ELAPOR1: variants seen among roughly 807,000 people sequenced by gnomAD.
The protein encoded by ELAPOR1 is endosome-lysosome associated apoptosis and autophagy regulator 1.
In ELAPOR1, 77 loss-of-function variants were observed where a neutral mutation model predicts 119.7. That is an observed-to-expected ratio of 0.64 (90% CI 0.54 to 0.78). ELAPOR1 has a LOEUF of 0.78. Ranked by LOEUF, ELAPOR1 falls within the 30% of genes least tolerant of loss-of-function variation. The pLI, the probability that ELAPOR1 is intolerant of heterozygous loss-of-function variation, is 0.00. For missense variants in ELAPOR1, 1,115 were observed against 1,270.4 expected, an observed-to-expected ratio of 0.88 and a Z score of 1.86; for synonymous variants, 481 against 487.2, an observed-to-expected ratio of 0.99 and a Z score of 0.17.
At chr1:109,201,954 G>T (rs1188726043) in intron 21 of ELAPOR1, among the ~76,000 whole-genome samples, 1 of 152,148 alleles carries the variant, frequency 6.6e-6, no homozygotes, top group Non-Finnish European at 1.5e-5. Flanking sequence ...AAAACAATCA[G>T]CTGGGTGTTG....
At position 109,184,971 on chromosome 1, in the gene ELAPOR1, C is replaced by G; in HGVS notation, c.953-74C>G. ...AATGCACCCAGGGACTTGGGAGTCA[C>G]AGGGCCATGAAGAGGCCAGGAGCTC... On this transcript the variant is annotated intron_variant, in intron 7 of 21. Coordinates refer to ENST00000369939, the MANE Select transcript of ELAPOR1 (RefSeq NM_020775.5). 2.6e-6 allele frequency: 3 copies of G among 1,140,122 alleles called. No individual in the cohort carries two copies. The South Asian group carries it at 3.7e-5, about 14-fold the overall frequency. 70.6% of individuals were successfully genotyped at this position (1,140,122 alleles called of 1,614,324 possible).
rs1654274885 is a variant in ELAPOR1, at chr1:109,202,997, A to C, written c.3027A>C (p.Leu1009=). The change falls in exon 22 of 22, where the codon CTA becomes CTC. Residue 1009 remains leucine (L), a synonymous_variant. Coordinates refer to ENST00000369939, the MANE Select transcript of ELAPOR1 (RefSeq NM_020775.5). ...SVPLKTSSGG[L]DMDL ...CGCTGAAGACATCCTCAGGAGGCCTAGACATGGACCTGTGAGAGGCACTGC... is the reference window on the plus strand; with the variant it reads ...CGCTGAAGACATCCTCAGGAGGCCTCGACATGGACCTGTGAGAGGCACTGC... 2 of 1,612,600 alleles carry C rather than the reference A, an allele frequency of 1.2e-6. No individual in the cohort carries two copies. The highest frequency in any genetic ancestry group is 2.7e-5 in the African/African-American group (2 of 74,902).
intron 20 of ELAPOR1, 34 bp from the exon 21 acceptor site, chr1:109,200,701 G>C (rs1654114071): frequency 1.2e-6 from 2 of 1,600,504 alleles, no homozygotes; most frequent in African/African-American, 1.3e-5. Context: ...CCCACATTTT[G>C]GGATCTTGTC....
intron 1 of ELAPOR1, among the ~76,000 whole-genome samples, chr1:109,141,270 T>C (rs1332042763): frequency 9.7e-6 from 1 of 102,778 alleles, no homozygotes. Context: ...TATTAATTAA[T>C]TTTTTTTTGA....
intron 1 of ELAPOR1, among the ~76,000 whole-genome samples, chr1:109,159,779 G>A (rs1323190270): frequency 6.6e-6 from 1 of 152,168 alleles, no homozygotes; most frequent in African/African-American, 2.4e-5. Context: ...GAGTCGTGAA[G>A]ATGAAACGAG....
Position 109,114,140 on chromosome 1 carries a change from C to T in ELAPOR1, c.-44C>T, listed in dbSNP as rs746804699. The T allele has an allele frequency of 1.3e-5, 19 of 1,484,030 alleles. No individual in the cohort carries two copies. The highest frequency in any genetic ancestry group is 2.4e-5 in the Admixed American group (1 of 41,098). The allele number at this position is 1,484,030 out of a possible 1,614,324, so 91.9% of individuals were successfully genotyped here. On this transcript the variant is annotated 5_prime_UTR_variant, in exon 1 of 22. Transcript: ENST00000369939. ...CGCCTTCTGCCAGCAGAAGCAGCAG[C>T]CGCAGCACCTGAGCCGCTACTGCCG...
chr1:109,189,625 C>T lies in ELAPOR1; in HGVS notation c.1382C>T (p.Ala461Val), dbSNP rs779791201. ...GTGGCTGGTGATCACATTTACACAG[C>T]TGCTGGAGCCTCAGACAATGACTTC... ...WEVAGDHIYT[A>V]AGASDNDFMI... Residue 461 changes from alanine (A) to valine (V), a missense_variant, in exon 11 of 22, where the codon GCT (alanine) becomes GTT (valine). By Grantham distance (64) the Ala-to-Val change is moderately conservative. Transcript: ENST00000369939. The T allele has an allele frequency of 1.2e-6, 2 of 1,614,176 alleles. No homozygotes were observed. The highest frequency in any genetic ancestry group is 1.1e-5 in the South Asian group (1 of 91,084).
In ELAPOR1 at chr1:109,146,280, G is replaced by A. The variant is rs539043471; in HGVS notation, c.154-15614G>A. Among the ~76,000 whole-genome samples the A allele has an allele frequency of 1.4e-4, 22 of 151,914 alleles. No individual in the cohort carries two copies. In the South Asian group the frequency reaches 2.3e-3, roughly 16 times the overall value. ...GGCTGCAGTGAGCCGAAATTGAGTC[G>A]CTGCACTCCAGACTGGGTAATCAGA... On this transcript the variant is annotated intron_variant, in intron 1 of 21. Coordinates refer to ENST00000369939, the MANE Select transcript of ELAPOR1 (RefSeq NM_020775.5).
At chr1:109,138,105 C>T (rs1385522598) in intron 1 of ELAPOR1, among the ~76,000 whole-genome samples, 5 of 152,176 alleles carry the variant, frequency 3.3e-5, no homozygotes, top group African/African-American at 9.7e-5. Flanking sequence ...CCCAACCCTG[C>T]CCCCAGAGCG....
At chr1:109,154,491 C>A (rs1020086521) in intron 1 of ELAPOR1, among the ~76,000 whole-genome samples, 2 of 152,160 alleles carry the variant, frequency 1.3e-5, no homozygotes, top group African/African-American at 4.8e-5. Flanking sequence ...TGTTCCTCGT[C>A]TCAGAGACTG....
chr1:109,130,577 G>T (rs1324287440), intron 1 of ELAPOR1, among the ~76,000 whole-genome samples: 2 of 151,820 alleles, frequency 1.3e-5, no homozygotes, highest in East Asian at 3.9e-4. Context: ...CAACTCTTGA[G>T]CTCAAGTGAT....
chr1:109,191,095 C>T (rs1315605301), intron 11 of ELAPOR1, among the ~76,000 whole-genome samples: 1 of 152,094 alleles, frequency 6.6e-6, no homozygotes, highest in African/African-American at 2.4e-5. Context: ...TTATAAAGGA[C>T]CGCCACATCT....
chr1:109,131,058 G>A (rs1011056960), intron 1 of ELAPOR1, among the ~76,000 whole-genome samples: 1 of 152,188 alleles, frequency 6.6e-6, no homozygotes, highest in Non-Finnish European at 1.5e-5. Context: ...CTGGCTCAGA[G>A]TCTCTTAGGA....
intron 1 of ELAPOR1, among the ~76,000 whole-genome samples, chr1:109,133,115 A>G (rs945949499): frequency 6.6e-5 from 10 of 152,134 alleles, no homozygotes; most frequent in Admixed American, 1.3e-4. Context: ...CTGTGGTCCC[A>G]GTAACTTGGG....
intron 1 of ELAPOR1, among the ~76,000 whole-genome samples, chr1:109,117,408 C>T (rs1352052381): frequency 1.3e-5 from 2 of 152,220 alleles, no homozygotes; most frequent in African/African-American, 4.8e-5. Flanking sequence ...CTGCCTTTAA[C>T]ACGCTCTACC....
intron 7 of ELAPOR1, among the ~76,000 whole-genome samples, chr1:109,184,137 C>T (rs774056253): frequency 1.3e-4 from 19 of 151,986 alleles, no homozygotes; most frequent in Non-Finnish European, 2.5e-4. Flanking sequence ...TTTGGGAGGC[C>T]GAGGAGGGCA....
rs71069655 is a variant in ELAPOR1 at position 109,144,061 on chromosome 1, A to ATTTTTTTTTTTTTTTTTTTTTT, written c.154-17818_154-17817insTTTTTTTTTTTTTTTTTTTTTT. ...TATATATATATATATATATTTATAT[A>ATTTTTTTTTTTTTTTTTTTTTT]TTTTTTTTTTTTTTTGAGATGGAGT... On this transcript the variant is annotated intron_variant, in intron 1 of 21. Transcript: ENST00000369939. Among the ~76,000 whole-genome samples, 10 of 88,984 alleles carry ATTTTTTTTTTTTTTTTTTTTTT rather than the reference A, an allele frequency of 1.1e-4. 1 individual carries two copies. Among genetic ancestry groups the ATTTTTTTTTTTTTTTTTTTTTT allele is most frequent in the African/African-American group, 3.4e-4 (7 of 20,738 alleles). The allele number at this position is 88,984 out of a possible 152,430, so 58.4% of individuals were successfully genotyped here.
chr1:109,126,502 G>A (rs180740848), intron 1 of ELAPOR1, among the ~76,000 whole-genome samples: 71 of 151,386 alleles, frequency 4.7e-4, no homozygotes, highest in Non-Finnish European at 8.0e-4. Context: ...ATGGAGTCTC[G>A]CTCTGTTGCC....
chr1:109,151,608 A>G lies in ELAPOR1; in HGVS notation c.154-10286A>G, dbSNP rs760609757. Among the ~76,000 whole-genome samples, 173 of 152,210 alleles carry G rather than the reference A, an allele frequency of 1.1e-3. 4 individuals carry two copies. Among genetic ancestry groups the G allele is most frequent in the Admixed American group, 5.9e-4 (9 of 15,278 alleles). ...ATGTTCCAAATTCTGACATTTCTCC[A>G]TGGTTTTCCATGTTCCTATGCTAAG... On this transcript the variant is annotated intron_variant, in intron 1 of 21. Coordinates refer to ENST00000369939, the MANE Select transcript of ELAPOR1 (RefSeq NM_020775.5).
Sources: gnomAD v4.1 joint callset for allele counts (sites outside exome capture counted in the v4.1 genomes callset) on GRCh38, gnomAD v4.1.1 for gene constraint, MANE v1.5 for transcripts, NCBI Gene and HGNC (gene_info 2026-07-23, HGNC 2026-07-21) for gene names.